L3MBTL1: variants seen among roughly 807,000 people sequenced by gnomAD.
L3MBTL1 encodes the protein L3MBTL histone methyl-lysine binding protein 1, also known as lethal(3)malignant brain tumor-like protein 1.
A neutral mutation model predicts 105.3 loss-of-function variants in L3MBTL1; 75 were observed. The observed-to-expected ratio is 0.71, with a 90% CI of 0.59 to 0.86. L3MBTL1 has a LOEUF of 0.86. L3MBTL1 is among the 40% of genes least tolerant of loss of function. L3MBTL1 has a pLI of 0.00. For missense variants in L3MBTL1, 1,069 were observed against 1,126.4 expected (o/e 0.95, Z 0.73); for synonymous variants, 452 against 436.2 (o/e 1.04, Z -0.45).
At chr20:43,512,843 G>A (rs531362621) in intron 1 of L3MBTL1, among the ~76,000 whole-genome samples, 9 of 152,330 alleles carry the variant, frequency 5.9e-5, no homozygotes, top group Admixed American at 3.3e-4. Context: ...ACAAAATCAC[G>A]TACTGACTTG....
intron 11 of L3MBTL1, chr20:43,531,180 T>C: frequency 5.5e-6 from 2 of 363,302 alleles, no homozygotes; most frequent in South Asian, 1.1e-4. Context: ...CACTGAGATG[T>C]CATTGCTCAT....
chr20:43,538,040 A>G (rs1168871932), intron 19 of L3MBTL1, among the ~76,000 whole-genome samples: 3 of 152,196 alleles, frequency 2.0e-5, no homozygotes, highest in African/African-American at 7.2e-5. Context: ...TGCCAGTATT[A>G]TTAGTCTGAG....
At chr20:43,533,873 G>C (rs2019466669) in intron 13 of L3MBTL1, 135 bp from the exon 14 acceptor site, 1 of 703,874 alleles carries the variant, frequency 1.4e-6, no homozygotes, top group Non-Finnish European at 2.6e-6. Flanking sequence ...AGTGCAAGGA[G>C]CTGGCTGTGG....
At chr20:43,549,251 G>A (rs1161304963) in exon 19 of L3MBTL1, 2 of 152,370 alleles carry the variant, frequency 1.3e-5, no homozygotes, top group African/African-American at 2.4e-5. Flanking sequence ...TGCCCATGGG[G>A]TGATGGCTCC....
chr20:43,514,591 G>T (rs1181505253), intron 3 of L3MBTL1, 44 bp from the exon 4 acceptor site: 2 of 1,598,964 alleles, frequency 1.3e-6, no homozygotes, highest in African/African-American at 1.3e-5. Context: ...ATGGGTCAAG[G>T]ACCCGTACGG....
At chr20:43,530,617 T>G (rs1022530657) in intron 10 of L3MBTL1, 181 bp from the exon 11 acceptor site, 1 of 775,960 alleles carries the variant, frequency 1.3e-6, no homozygotes, top group African/African-American at 1.8e-5. Flanking sequence ...CGCTTTGCAC[T>G]TGCCCTTTGA....
At chr20:43,515,241 C>A (rs752141763) in intron 5 of L3MBTL1, 51 bp from the exon 6 acceptor site, 2 of 1,612,696 alleles carry the variant, frequency 1.2e-6, no homozygotes, top group Admixed American at 3.3e-5. Flanking sequence ...AGGAGAGGGG[C>A]TGGGTGGTGC....
chr20:43,538,061 C>T (rs1313608940), intron 19 of L3MBTL1, among the ~76,000 whole-genome samples: 5 of 152,188 alleles, frequency 3.3e-5, no homozygotes, highest in African/African-American at 1.2e-4. Flanking sequence ...TCTCTTGCCT[C>T]ACTTCCTCTT....
chr20:43,534,790 T>G, intron 15 of L3MBTL1, 38 bp from the exon 16 acceptor site: 523 of 1,488,650 alleles, frequency 3.5e-4, no homozygotes, highest in Non-Finnish European at 4.4e-4. Flanking sequence ...CTGGGCTCCA[T>G]GAGAAACGCC....
chr20:43,532,913 T>C lies in L3MBTL1; in HGVS notation c.1425T>C (p.Thr475=). ...TGCACTTTGACAACTGGGATGATAC[T>C]TATGACTACTGGTAGTAGGAGGGCC... is the stretch of plus-strand genomic sequence containing the variant. ...FLVHFDNWDD[T]YDYWCDPSSP... Residue 475 remains threonine, a synonymous_variant, in exon 12 of 22, where the codon ACT becomes ACC. Coordinates refer to ENST00000418998, the MANE Select transcript of L3MBTL1 (RefSeq NM_001377303.1). 3 of 1,614,114 alleles carry C rather than the reference T, an allele frequency of 1.9e-6. No homozygotes were observed. Among genetic ancestry groups the C allele is most frequent in the Non-Finnish European group, 2.5e-6 (3 of 1,180,004 alleles).
At chr20:43,519,036 A>G (rs554314297) in intron 7 of L3MBTL1, among the ~76,000 whole-genome samples, 3 of 150,564 alleles carry the variant, frequency 2.0e-5, no homozygotes, top group Admixed American at 2.0e-4. Context: ...AGGGGGAAAA[A>G]AAAGAAAAAA....
exon 19 of L3MBTL1, chr20:43,549,753 T>G (rs1373139107): frequency 2.7e-5 from 4 of 147,092 alleles, no homozygotes; most frequent in Non-Finnish European, 6.0e-5. Flanking sequence ...TGTGTGTGTG[T>G]GGCACTCTCA....
intron 1 of L3MBTL1, among the ~76,000 whole-genome samples, chr20:43,509,746 A>T (rs922628148): frequency 6.6e-6 from 1 of 152,260 alleles, no homozygotes; most frequent in Non-Finnish European, 1.5e-5. Flanking sequence ...GTAGTCTTCA[A>T]ATCCAGCTTC....
chr20:43,514,111 CGG>C (rs2018226243), intron 3 of L3MBTL1, 50 bp downstream of exon 3: 1 of 1,464,170 alleles, frequency 6.8e-7, no homozygotes, highest in African/African-American at 1.4e-5. Context: ...AGCCATGGGG[CGG>C]GGCTTGCAGG....
At chr20:43,524,110 C>T (rs897611972) in intron 7 of L3MBTL1, among the ~76,000 whole-genome samples, 31 of 151,888 alleles carry the variant, frequency 2.0e-4, no homozygotes, top group Non-Finnish European at 5.9e-5. Context: ...GTTTATTAAT[C>T]AGTCTTTCCA....
At chr20:43,542,580 T>C (rs1275263574), downstream of L3MBTL1, among the ~76,000 whole-genome samples, 1 of 143,396 alleles carries the variant, frequency 7.0e-6, no homozygotes, top group Non-Finnish European at 1.5e-5. Flanking sequence ...AGACATTTCC[T>C]CTCGTGTTAA....
chr20:43,541,272 A>G lies in L3MBTL1; in HGVS notation c.*144A>G, dbSNP rs2019903291. The G allele has an allele frequency of 1.1e-5, 16 of 1,423,992 alleles. No homozygotes were observed. The South Asian group carries it at 2.4e-4, about 21-fold the overall frequency. 88.2% of individuals were successfully genotyped at this position (1,423,992 alleles called of 1,614,324 possible). On this transcript the variant is annotated 3_prime_UTR_variant, in exon 22 of 22. Coordinates refer to ENST00000418998, the MANE Select transcript of L3MBTL1 (RefSeq NM_001377303.1). ...AGTAGTGAGTTGTAGATAAAAAAAGAATGTCAGCTTTGGAGACAGTCTGGG... is the reference window on the plus strand; with the variant it reads ...AGTAGTGAGTTGTAGATAAAAAAAGGATGTCAGCTTTGGAGACAGTCTGGG...
At chr20:43,514,465 G>C (rs2018250125) in intron 3 of L3MBTL1, 170 bp from the exon 4 acceptor site, 2 of 1,512,206 alleles carry the variant, frequency 1.3e-6, no homozygotes, top group Non-Finnish European at 1.8e-6. Flanking sequence ...GCGTAGCCTG[G>C]AGTGAGGGTT....
In L3MBTL1 at chr20:43,530,798, G is replaced by T. The variant is rs760236934; in HGVS notation, c.1193G>T (p.Gly398Val). The change falls in exon 11 of 22, where the codon GGT (glycine) becomes GTT (valine). Residue 398 changes from glycine to valine, a missense_variant and splice_region_variant. Transcript: ENST00000418998. ...TGTTCATGCCCCTCGAGGGGCCTAG[G>T]TTACAAGGAGGAGGAGTTCAGCTGG... The part of the protein sequence containing the change: ...KTGHKLQPPK[G>V]YKEEEFSWSQ... 4 of 1,613,914 alleles carry T rather than the reference G, an allele frequency of 2.5e-6. No homozygotes were observed. In the African/African-American group the frequency reaches 4.0e-5, roughly 16 times the overall value.
Sources: allele counts gnomAD v4.1 joint callset (sites outside exome capture counted in the v4.1 genomes callset), GRCh38; gene constraint gnomAD v4.1.1; transcripts MANE v1.5; gene names NCBI Gene and HGNC (gene_info 2026-07-23, HGNC 2026-07-21).